Variants in KBTBD11 observed in about 807,000 individuals in gnomAD.
KBTBD11 encodes the protein kelch repeat and BTB domain containing 11.
For synonymous variants in KBTBD11, 747 were observed against 499.0 expected, an observed-to-expected ratio of 1.50 and a Z score of -6.63; for missense variants, 1,390 against 1,001.8, an observed-to-expected ratio of 1.39 and a Z score of -5.23.
intron 1 of KBTBD11, among the ~76,000 whole-genome samples, chr8:1,997,825 A>G (rs1289607993): frequency 6.6e-6 from 1 of 152,212 alleles, no homozygotes; most frequent in Non-Finnish European, 1.5e-5. Context: ...CTGCTCTGCC[A>G]ACTTGCTTTG....
chr8:1,977,785 C>T lies in KBTBD11; in HGVS notation c.-909+3850C>T, dbSNP rs557759843. Among the ~76,000 whole-genome samples the T allele has an allele frequency of 4.6e-5, 7 of 152,174 alleles. No individual in the cohort carries two copies. In the South Asian group the frequency reaches 1.4e-3, roughly 32 times the overall value. ...TCCTGGCCTCAAGTGATCTTCCTGC[C>T]TTGGCCTCCCAAAGTGCTGGGATTA... On this transcript the variant is annotated intron_variant, in intron 1 of 1. Coordinates refer to ENST00000320248, the MANE Select transcript of KBTBD11 (RefSeq NM_014867.3).
intron 1 of KBTBD11, among the ~76,000 whole-genome samples, chr8:1,991,946 G>T (rs183824912): frequency 6.6e-6 from 1 of 152,084 alleles, no homozygotes; most frequent in African/African-American, 2.4e-5. Flanking sequence ...TTATTTCATC[G>T]CGGTAGACAC....
chr8:1,973,886 C>T lies in KBTBD11; in HGVS notation c.-958C>T, dbSNP rs922958953. 3 of 982,790 alleles carry T rather than the reference C, an allele frequency of 3.1e-6. No homozygotes were observed. The highest frequency in any genetic ancestry group is 1.8e-5 in the African/African-American group (1 of 56,744). The allele number at this position is 982,790 out of a possible 1,614,324, so 60.9% of individuals were successfully genotyped here. A position where few individuals can be genotyped will look rare whatever the true frequency, so the allele number is the denominator to read the frequency against. On this transcript the variant is annotated 5_prime_UTR_variant, in exon 1 of 2. Coordinates refer to ENST00000320248, the MANE Select transcript of KBTBD11 (RefSeq NM_014867.3). ...CCGCGCGCATGCGCCGGAGCCCACC[C>T]GCCTGGCTGCGCGTCCCGGGCCCGG...
In KBTBD11 at chr8:1,993,422, CACCCACCCACCCATCCATCCATCT is replaced by C. The variant is rs1196212364; in HGVS notation, c.-908-6861_-908-6838del. Among the ~76,000 whole-genome samples, 129 of 47,536 alleles carry C rather than the reference CACCCACCCACCCATCCATCCATCT, an allele frequency of 2.7e-3. 3 individuals are homozygous for C. Among genetic ancestry groups the C allele is most frequent in the African/African-American group, 6.9e-3 (127 of 18,380 alleles). The allele number at this position is 47,536 out of a possible 152,430, so 31.2% of individuals were successfully genotyped here. On this transcript the variant is annotated intron_variant, in intron 1 of 1. Transcript: ENST00000320248. ...CCATCCATCCATCCATCCATCCATC[CACCCACCCACCCATCCATCCATCT>C]ATCCATCCAATCACCCATCTGTCTA...
At chr8:1,984,477 C>T (rs565331705) in intron 1 of KBTBD11, among the ~76,000 whole-genome samples, 1 of 151,756 alleles carries the variant, frequency 6.6e-6, no homozygotes, top group Non-Finnish European at 1.5e-5. Flanking sequence ...TTAGTAGAGA[C>T]GGGGTTTTAC....
chr8:1,996,271 GA>G (rs1395083081), intron 1 of KBTBD11, among the ~76,000 whole-genome samples: 3 of 152,048 alleles, frequency 2.0e-5, no homozygotes, highest in Non-Finnish European at 4.4e-5. Context: ...ACGCTGGAAG[GA>G]ATTTTTTTTT....
chr8:1,981,973 A>G (rs1275462121), intron 1 of KBTBD11, among the ~76,000 whole-genome samples: 1 of 152,156 alleles, frequency 6.6e-6, no homozygotes, highest in African/African-American at 2.4e-5. Flanking sequence ...CAGTTCCCCT[A>G]GCAAATCCCC....
rs1054330107 is a variant in KBTBD11, at chr8:1,983,866, A to G, written c.-909+9931A>G. On this transcript the variant is annotated intron_variant, in intron 1 of 1. Coordinates refer to ENST00000320248, the MANE Select transcript of KBTBD11 (RefSeq NM_014867.3). ...CACATGGGGCTGGGCGTGGTGGCTT[A>G]CGCCTGTAATCCCAGAACTTTGGGA... Among the ~76,000 whole-genome samples the G allele has an allele frequency of 2.0e-5, 3 of 152,154 alleles. No individual in the cohort carries two copies. The East Asian group carries it at 5.8e-4, about 29-fold the overall frequency.
chr8:1,979,921 G>A (rs1349573849), intron 1 of KBTBD11, among the ~76,000 whole-genome samples: 1 of 152,194 alleles, frequency 6.6e-6, no homozygotes, highest in Non-Finnish European at 1.5e-5. Flanking sequence ...CCATGGAGAG[G>A]CCTCTGTTTG....
chr8:1,991,175 C>G (rs1816902364), intron 1 of KBTBD11, among the ~76,000 whole-genome samples: 1 of 152,240 alleles, frequency 6.6e-6, no homozygotes, highest in Admixed American at 6.5e-5. Flanking sequence ...CTGTGGGCCT[C>G]TGTAGTTTGG....
rs1259686787 is a variant in KBTBD11 at position 2,005,816 on chromosome 8, C to T, written c.*2752C>T. On this transcript the variant is annotated 3_prime_UTR_variant, in exon 2 of 2. Coordinates refer to ENST00000320248, the MANE Select transcript of KBTBD11 (RefSeq NM_014867.3). Reference sequence around the variant, plus strand: ...GGGCCTTTCCAAATGTCTGAAAAGGCAGTGGTGTCTTTTGGGGAAAATGTT... The same window carrying T: ...GGGCCTTTCCAAATGTCTGAAAAGGTAGTGGTGTCTTTTGGGGAAAATGTT... 6.0e-6 allele frequency: 1 copy of T among 167,070 alleles called. No homozygotes were observed. The highest frequency in any genetic ancestry group is 1.5e-5 in the Non-Finnish European group (1 of 68,110). The allele number at this position is 167,070 out of a possible 1,614,324, so 10.3% of individuals were successfully genotyped here. A position where few individuals can be genotyped will look rare whatever the true frequency, so the allele number is the denominator to read the frequency against.
chr8:1,981,249 G>C (rs1278224020), intron 1 of KBTBD11, among the ~76,000 whole-genome samples: 1 of 152,156 alleles, frequency 6.6e-6, no homozygotes, highest in East Asian at 1.9e-4. Flanking sequence ...ATCAGCTGAG[G>C]GAGTTCACCA....
chr8:1,979,389 G>A lies in KBTBD11; in HGVS notation c.-909+5454G>A, dbSNP rs185880191. 2.0e-5 allele frequency among the ~76,000 whole-genome samples: 3 copies of A among 152,328 alleles called. No homozygotes were observed. In the East Asian group the frequency reaches 5.8e-4, roughly 29 times the overall value. Reference sequence around the variant, plus strand: ...TCACGCCTGTAATCCCAGCACTTTGGGAGGCCGAGGTAGGCAGATCACTTG... The same window carrying A: ...TCACGCCTGTAATCCCAGCACTTTGAGAGGCCGAGGTAGGCAGATCACTTG... On this transcript the variant is annotated intron_variant, in intron 1 of 1. Transcript: ENST00000320248.
chr8:1,989,879 G>C (rs997772902), intron 1 of KBTBD11, among the ~76,000 whole-genome samples: 3 of 146,070 alleles, frequency 2.1e-5, no homozygotes, highest in Non-Finnish European at 4.5e-5. Context: ...CTGCTAATTT[G>C]TGAGGGCCAG....
chr8:1,978,767 C>T (rs973574698), intron 1 of KBTBD11, among the ~76,000 whole-genome samples: 5 of 152,174 alleles, frequency 3.3e-5, no homozygotes, highest in African/African-American at 1.2e-4. Context: ...AAAATAGAAT[C>T]TGCTCTTTCC....
intron 1 of KBTBD11, among the ~76,000 whole-genome samples, chr8:1,994,013 C>T (rs960230867): frequency 6.6e-6 from 1 of 151,752 alleles, no homozygotes; most frequent in South Asian, 2.1e-4. Flanking sequence ...TGAGCTCGTG[C>T]AGTAGGACAG....
At position 1,985,155 on chromosome 8, in the gene KBTBD11, A is replaced by G. The variant is rs376106395; in HGVS notation, c.-909+11220A>G. 3.3e-5 allele frequency among the ~76,000 whole-genome samples: 5 copies of G among 152,340 alleles called. No homozygotes were observed. The East Asian group carries it at 9.7e-4, about 29-fold the overall frequency. On this transcript the variant is annotated intron_variant, in intron 1 of 1. Coordinates refer to ENST00000320248, the MANE Select transcript of KBTBD11 (RefSeq NM_014867.3). The stretch of plus-strand genomic sequence containing the variant: ...GAGGTGGCTCACTGGAGACCCCCAA[A>G]GAGGGTGGCCGATGGCCGAATGCAG...
At chr8:1,986,927 C>G (rs1031571566) in intron 1 of KBTBD11, among the ~76,000 whole-genome samples, 1 of 141,640 alleles carries the variant, frequency 7.1e-6, no homozygotes, top group Non-Finnish European at 1.5e-5. Context: ...AATCTCAGCT[C>G]TTCAGGAGGC....
At chr8:1,983,814 G>A (rs2129310178) in intron 1 of KBTBD11, among the ~76,000 whole-genome samples, 1 of 152,372 alleles carries the variant, frequency 6.6e-6, no homozygotes, top group African/African-American at 2.4e-5. Context: ...TTTTATTGAA[G>A]TCTAACATAC....
Sources: gnomAD v4.1 joint callset for allele counts (sites outside exome capture counted in the v4.1 genomes callset) on GRCh38, gnomAD v4.1.1 for gene constraint, MANE v1.5 for transcripts, NCBI Gene and HGNC (gene_info 2026-07-23, HGNC 2026-07-21) for gene names.